Variants in EFNA5 observed in about 807,000 individuals in gnomAD.
EFNA5 encodes the protein ephrin A5, also known as ephrin-A5.
A neutral mutation model predicts 22.9 loss-of-function variants in EFNA5; 5 were observed. The ratio of observed to expected loss-of-function variants is 0.22; its 90% CI spans 0.11 to 0.46. The LOEUF (loss-of-function observed/expected upper bound fraction) is 0.46. Ranked by LOEUF, EFNA5 falls within the 20% of genes least tolerant of loss-of-function variation. EFNA5 has a pLI of 0.99. For synonymous variants in EFNA5, 113 were observed against 112.2 expected (o/e 1.01, Z -0.04); for missense variants, 237 against 293.3 (o/e 0.81, Z 1.40).
intron 1 of EFNA5, among the ~76,000 whole-genome samples, chr5:107,465,612 A>G (rs1217337340): frequency 6.6e-6 from 1 of 152,182 alleles, no homozygotes; most frequent in Admixed American, 6.5e-5. Context: ...ATAAATAGGT[A>G]GTTAAATAAC....
At chr5:107,521,516 G>T (rs984917870) in intron 1 of EFNA5, among the ~76,000 whole-genome samples, 78 of 137,604 alleles carry the variant, frequency 5.7e-4, no homozygotes, top group African/African-American at 2.0e-3. Flanking sequence ...TCCATATGTT[G>T]CCCAGGCTGG....
At chr5:107,571,206 T>A (rs1385264707) in intron 1 of EFNA5, among the ~76,000 whole-genome samples, 1 of 152,206 alleles carries the variant, frequency 6.6e-6, no homozygotes, top group Non-Finnish European at 1.5e-5. Flanking sequence ...CTGTGGGGTT[T>A]CTGCTCCCGT....
At position 107,591,943 on chromosome 5, in the gene EFNA5, TTA is replaced by T. The variant is rs1312681832; in HGVS notation, c.125+78544_125+78545del. Among the ~76,000 whole-genome samples the T allele has an allele frequency of 1.1e-4, 2 of 18,836 alleles. 1 individual carries two copies. Among genetic ancestry groups the T allele is most frequent in the African/African-American group, 1.2e-3 (2 of 1,696 alleles). The allele number at this position is 18,836 out of a possible 152,430, so 12.4% of individuals were successfully genotyped here. Reference sequence around the variant, plus strand: ...ATATATATAATATATAATATATATATTATATATAATATATAATATATATAATA... The same window carrying T: ...ATATATATAATATATAATATATATATTATATAATATATAATATATATAATA... On this transcript the variant is annotated intron_variant, in intron 1 of 4. Coordinates refer to ENST00000333274, the MANE Select transcript of EFNA5 (RefSeq NM_001962.3).
intron 1 of EFNA5, among the ~76,000 whole-genome samples, chr5:107,464,356 T>TGCCCCA (rs1225275565): frequency 5.3e-5 from 8 of 152,160 alleles, no homozygotes; most frequent in Non-Finnish European, 1.2e-4. Flanking sequence ...AAGCAGCCCC[T>TGCCCCA]GCCCCAGCCC....
At chr5:107,524,886 G>A (rs1222881865) in intron 1 of EFNA5, among the ~76,000 whole-genome samples, 1 of 152,130 alleles carries the variant, frequency 6.6e-6, no homozygotes, top group African/African-American at 2.4e-5. Flanking sequence ...TTCAATAGTA[G>A]TAAATATTAA....
chr5:107,511,073 C>T (rs1330083862), intron 1 of EFNA5, among the ~76,000 whole-genome samples: 1 of 149,510 alleles, frequency 6.7e-6, no homozygotes, highest in East Asian at 2.0e-4. Flanking sequence ...GTTGCCCAGG[C>T]TGGAGTGCAA....
intron 1 of EFNA5, among the ~76,000 whole-genome samples, chr5:107,503,328 T>C (rs148137818): frequency 7.3e-4 from 111 of 152,310 alleles, no homozygotes; most frequent in Non-Finnish European, 1.4e-3. Context: ...TCACGTAAAA[T>C]GTCAACAGTT....
chr5:107,449,022 A>T (rs1255608337), intron 1 of EFNA5, among the ~76,000 whole-genome samples: 1 of 152,010 alleles, frequency 6.6e-6, no homozygotes, highest in African/African-American at 2.4e-5. Context: ...GGGTTTAAAT[A>T]CTTCCCCTAT....
chr5:107,656,758 C>T (rs922765231), intron 1 of EFNA5, among the ~76,000 whole-genome samples: 2 of 151,814 alleles, frequency 1.3e-5, no homozygotes, highest in Non-Finnish European at 2.9e-5. Context: ...TTTATTATAC[C>T]CATTTATTTA....
intron 1 of EFNA5, among the ~76,000 whole-genome samples, chr5:107,548,334 C>T (rs1349038029): frequency 6.6e-6 from 1 of 152,244 alleles, no homozygotes; most frequent in East Asian, 1.9e-4. Flanking sequence ...CCCTTTCACA[C>T]CAGAACAGTA....
chr5:107,430,679 C>T (rs943600813), intron 1 of EFNA5, among the ~76,000 whole-genome samples: 5 of 151,874 alleles, frequency 3.3e-5, no homozygotes, highest in Non-Finnish European at 1.5e-5. Context: ...GCTATCCCTT[C>T]TGATGACATT....
At chr5:107,490,758 G>A (rs983900407) in intron 1 of EFNA5, among the ~76,000 whole-genome samples, 12 of 152,200 alleles carry the variant, frequency 7.9e-5, no homozygotes, top group African/African-American at 2.9e-4. Flanking sequence ...ATGCCTTACA[G>A]CGGCTACTCA....
At chr5:107,659,754 T>C (rs1296215935) in intron 1 of EFNA5, among the ~76,000 whole-genome samples, 1 of 152,060 alleles carries the variant, frequency 6.6e-6, no homozygotes, top group Non-Finnish European at 1.5e-5. Context: ...AACAAGACCA[T>C]GCCAAAATAA....
intron 1 of EFNA5, among the ~76,000 whole-genome samples, chr5:107,487,640 G>T (rs1746673971): frequency 6.6e-6 from 1 of 152,170 alleles, no homozygotes; most frequent in African/African-American, 2.4e-5. Context: ...TGATCCAAAA[G>T]GTAATAGGGA....
intron 4 of EFNA5, among the ~76,000 whole-genome samples, 188 bp from the exon 5 acceptor site, chr5:107,381,564 T>C (rs1414205899): frequency 6.6e-6 from 1 of 152,184 alleles, no homozygotes; most frequent in Non-Finnish European, 1.5e-5. Flanking sequence ...CAAAGAAAAT[T>C]GGACTTTCTC....
At chr5:107,540,496 C>T (rs1748021864) in intron 1 of EFNA5, among the ~76,000 whole-genome samples, 1 of 151,954 alleles carries the variant, frequency 6.6e-6, no homozygotes, top group Non-Finnish European at 1.5e-5. Context: ...AACAGTATGG[C>T]AAAAAATATG....
intron 1 of EFNA5, among the ~76,000 whole-genome samples, chr5:107,638,185 T>G (rs1750426870): frequency 6.6e-6 from 1 of 152,062 alleles, no homozygotes; most frequent in Non-Finnish European, 1.5e-5. Flanking sequence ...CTTTTGCATT[T>G]CAACTACTTC....
intron 1 of EFNA5, among the ~76,000 whole-genome samples, chr5:107,576,828 G>A (rs1012717715): frequency 1.3e-5 from 2 of 152,150 alleles, no homozygotes; most frequent in Admixed American, 1.3e-4. Flanking sequence ...CAGAACAACT[G>A]CTGAAGTTGT....
Position 107,651,044 on chromosome 5 carries a change from T to C in EFNA5, c.125+19445A>G, listed in dbSNP as rs751106274. Among the ~76,000 whole-genome samples the C allele has an allele frequency of 1.3e-3, 193 of 152,304 alleles. 1 individual carries two copies. The highest frequency in any genetic ancestry group is 1.0e-3 in the Non-Finnish European group (68 of 68,020). ...TTTTAATGCTCTTTTCATATTAGCATATAGTCCCTACCATTCTCCTCCACT... is the reference window on the plus strand; with the variant it reads ...TTTTAATGCTCTTTTCATATTAGCACATAGTCCCTACCATTCTCCTCCACT... On this transcript the variant is annotated intron_variant, in intron 1 of 4. Coordinates refer to ENST00000333274, the MANE Select transcript of EFNA5 (RefSeq NM_001962.3).
Sources: allele counts gnomAD v4.1 joint callset (sites outside exome capture counted in the v4.1 genomes callset), GRCh38; gene constraint gnomAD v4.1.1; transcripts MANE v1.5; gene names NCBI Gene and HGNC (gene_info 2026-07-23, HGNC 2026-07-21).